The following SUMF1 variants were observed in gnomAD, a reference collection of about 807,000 sequenced individuals.
The protein encoded by SUMF1 is formylglycine-generating enzyme.
A neutral mutation model predicts 47.6 loss-of-function variants in SUMF1; 48 were observed. That is an observed-to-expected ratio of 1.01 (90% CI 0.80 to 1.28). The LOEUF is 1.28. SUMF1 is among the 50% of genes most tolerant of loss of function. The probability of loss-of-function intolerance (pLI) is 0.00; values close to 1 mark genes in which losing one functional copy is unlikely to be tolerated. For synonymous variants in SUMF1, 230 were observed against 192.1 expected (o/e 1.20, Z -1.63); for missense variants, 571 against 485.4 (o/e 1.18, Z -1.66).
chr3:4,111,488 G>A (rs1219178674), intron 8 of SUMF1, among the ~76,000 whole-genome samples: 1 of 152,094 alleles, frequency 6.6e-6, no homozygotes, highest in Admixed American at 6.5e-5. Flanking sequence ...GGGAGGCCAA[G>A]GCGGGTGGAT....
At chr3:4,400,795 G>A (rs947012611) in intron 7 of SUMF1, among the ~76,000 whole-genome samples, 2 of 152,142 alleles carry the variant, frequency 1.3e-5, no homozygotes, top group African/African-American at 4.8e-5. Context: ...GCTGGGATGT[G>A]GACCTAGATG....
rs1700280438 is a variant in SUMF1 at position 4,375,007 on chromosome 3, T to G, written c.1014+1323A>C. ...GCAAGACCCCATCTCTAAAAAAAATTTAAAAATTAGCCAAGTTACTTAGGA... is the reference window on the plus strand; with the variant it reads ...GCAAGACCCCATCTCTAAAAAAAATGTAAAAATTAGCCAAGTTACTTAGGA... On this transcript the variant is annotated intron_variant, in intron 8 of 8. Transcript: ENST00000272902. Among the ~76,000 whole-genome samples, 4 of 151,318 alleles carry G rather than the reference T, an allele frequency of 2.6e-5. No homozygotes were observed. In the South Asian group the frequency reaches 8.4e-4, roughly 32 times the overall value.
At chr3:4,112,475 C>T (rs1011703317) in intron 8 of SUMF1, among the ~76,000 whole-genome samples, 1 of 152,134 alleles carries the variant, frequency 6.6e-6, no homozygotes, top group African/African-American at 2.4e-5. Flanking sequence ...ATAGAAGATG[C>T]TAAGTTGTTT....
At chr3:4,156,235 G>A (rs1169516581) in intron 8 of SUMF1, among the ~76,000 whole-genome samples, 1 of 151,342 alleles carries the variant, frequency 6.6e-6, no homozygotes, top group Admixed American at 6.6e-5. Flanking sequence ...AAAACACAAG[G>A]CCTGCAGAAG....
chr3:4,087,045 A>T (rs146695225), intron 8 of SUMF1, among the ~76,000 whole-genome samples: 1 of 152,152 alleles, frequency 6.6e-6, no homozygotes. Flanking sequence ...TAACTTCCCA[A>T]AAAACATCTA....
intron 9 of SUMF1, among the ~76,000 whole-genome samples, chr3:4,061,324 T>G (rs1695273472): frequency 6.6e-6 from 1 of 152,140 alleles, no homozygotes; most frequent in African/African-American, 2.4e-5. Flanking sequence ...CAGATAGTAT[T>G]GAGGAACTAA....
At chr3:4,062,267 G>A (rs1326127518) in intron 9 of SUMF1, among the ~76,000 whole-genome samples, 2 of 152,166 alleles carry the variant, frequency 1.3e-5, no homozygotes, top group Non-Finnish European at 2.9e-5. Context: ...AAAGAGTCTA[G>A]CCATATGACT....
At chr3:4,452,836 G>A (rs768185271) in intron 2 of SUMF1, 40 bp downstream of exon 2, 1 of 1,612,906 alleles carries the variant, frequency 6.2e-7, no homozygotes, top group African/African-American at 1.3e-5. Flanking sequence ...AAAAGTTCTG[G>A]AAAAGAACAA....
chr3:4,451,750 C>T (rs1034892211), intron 2 of SUMF1, among the ~76,000 whole-genome samples: 1 of 152,196 alleles, frequency 6.6e-6, no homozygotes, highest in African/African-American at 2.4e-5. Context: ...GTGGCCGGAT[C>T]TCGGCTCACT....
chr3:4,217,719 T>C (rs1172769753), intron 8 of SUMF1, among the ~76,000 whole-genome samples: 1 of 134,266 alleles, frequency 7.4e-6, no homozygotes, highest in Non-Finnish European at 1.6e-5. Flanking sequence ...AATTAAAAAA[T>C]ATTTTTTATC....
In SUMF1 at chr3:4,150,549, C is replaced by CA. The variant is rs33962142; in HGVS notation, c.1015-81805dup. Among the ~76,000 whole-genome samples, 76 of 144,098 alleles carry CA rather than the reference C, an allele frequency of 5.3e-4. 2 individuals are homozygous for CA. Among genetic ancestry groups the CA allele is most frequent in the African/African-American group, 9.9e-4 (37 of 37,246 alleles). The allele number at this position is 144,098 out of a possible 152,430, so 94.5% of individuals were successfully genotyped here. A position where few individuals can be genotyped will look rare whatever the true frequency, so the allele number is the denominator to read the frequency against. On this transcript the variant is annotated intron_variant and NMD_transcript_variant, in intron 8 of 12. Coordinates refer to the SUMF1 transcript ENST00000448413. The stretch of plus-strand genomic sequence containing the variant: ...TGCACTCCAGAGTGAGACTCCGTCT[C>CA]AAAAAAAAAAAAATGTGTAGAGGCA...
At chr3:4,111,076 T>C (rs1309578567) in intron 8 of SUMF1, among the ~76,000 whole-genome samples, 1 of 151,916 alleles carries the variant, frequency 6.6e-6, no homozygotes, top group Admixed American at 6.6e-5. Flanking sequence ...CAGCATTTTT[T>C]TTAATGAAAT....
intron 8 of SUMF1, among the ~76,000 whole-genome samples, chr3:4,145,070 G>T (rs1453244862): frequency 1.3e-5 from 2 of 151,738 alleles, no homozygotes; most frequent in Non-Finnish European, 2.9e-5. Context: ...GCAGTGACAG[G>T]CACCTGTAGT....
At chr3:4,249,327 A>T (rs1415691605) in intron 8 of SUMF1, among the ~76,000 whole-genome samples, 1 of 152,200 alleles carries the variant, frequency 6.6e-6, no homozygotes, top group Non-Finnish European at 1.5e-5. Flanking sequence ...TTGTTTACAA[A>T]TTGAAAGTTT....
chr3:4,057,491 A>G (rs1018104935), intron 9 of SUMF1, among the ~76,000 whole-genome samples: 1 of 152,186 alleles, frequency 6.6e-6, no homozygotes, highest in African/African-American at 2.4e-5. Flanking sequence ...GAAAGAACAT[A>G]GAGAAACAAG....
chr3:4,143,806 G>A (rs746296771), intron 8 of SUMF1, among the ~76,000 whole-genome samples: 8 of 152,076 alleles, frequency 5.3e-5, no homozygotes, highest in Non-Finnish European at 1.2e-4. Context: ...GATTCACAGA[G>A]CAGTAACAGT....
intron 9 of SUMF1, among the ~76,000 whole-genome samples, chr3:4,067,555 A>G (rs1695405814): frequency 6.6e-6 from 1 of 152,204 alleles, no homozygotes. Context: ...ATATTGGGAC[A>G]GATAAGGCAT....
At chr3:4,223,989 T>A (rs1435266865) in intron 8 of SUMF1, among the ~76,000 whole-genome samples, 1 of 151,932 alleles carries the variant, frequency 6.6e-6, no homozygotes, top group Non-Finnish European at 1.5e-5. Context: ...GACAACAGCA[T>A]TAAGGATAAG....
intron 8 of SUMF1, among the ~76,000 whole-genome samples, chr3:4,149,739 A>G (rs376335035): frequency 6.6e-5 from 10 of 152,262 alleles, no homozygotes; most frequent in African/African-American, 2.2e-4. Flanking sequence ...GGTGAGGAAG[A>G]CTGGTAGTTT....
Sources: allele counts gnomAD v4.1 joint callset (sites outside exome capture counted in the v4.1 genomes callset), GRCh38; gene constraint gnomAD v4.1.1; transcripts MANE v1.5; gene names NCBI Gene and HGNC (gene_info 2026-07-23, HGNC 2026-07-21).